The following TLE4 variants were observed in gnomAD, a reference collection of about 807,000 sequenced individuals.
TLE4 encodes the protein TLE family member 4, transcriptional corepressor.
A neutral mutation model predicts 92.8 loss-of-function variants in TLE4; 8 were observed. The ratio of observed to expected loss-of-function variants is 0.09; its 90% CI spans 0.05 to 0.16. TLE4 has a LOEUF of 0.16. Ranked by LOEUF, TLE4 falls within the 10% of genes least tolerant of loss-of-function variation. TLE4 has a pLI of 1.00. For missense variants in TLE4, 675 were observed against 997.6 expected (o/e 0.68, Z 4.36); for synonymous variants, 371 against 374.1 (o/e 0.99, Z 0.10).
intron 11 of TLE4, among the ~76,000 whole-genome samples, chr9:79,707,438 A>C (rs1287772571): frequency 6.6e-6 from 1 of 152,220 alleles, no homozygotes; most frequent in Non-Finnish European, 1.5e-5. Flanking sequence ...TGTGTAGTTA[A>C]TTGCAACTTT....
chr9:79,695,195 G>A (rs2067965421), intron 8 of TLE4, among the ~76,000 whole-genome samples: 1 of 152,128 alleles, frequency 6.6e-6, no homozygotes, highest in Admixed American at 6.5e-5. Context: ...GGAGGGGCCT[G>A]CATCCTTGAT....
intron 4 of TLE4, among the ~76,000 whole-genome samples, chr9:79,588,720 C>T (rs1273173668): frequency 1.3e-5 from 2 of 152,146 alleles, no homozygotes; most frequent in Non-Finnish European, 2.9e-5. Context: ...AACCACGTGT[C>T]ACATGGGAAT....
intron 5 of TLE4, among the ~76,000 whole-genome samples, chr9:79,625,022 T>TC (rs1314614391): frequency 2.3e-5 from 3 of 129,046 alleles, no homozygotes; most frequent in East Asian, 2.2e-4. Flanking sequence ...TTCTTTTTTT[T>TC]TTTTTTTTTT....
intron 4 of TLE4, among the ~76,000 whole-genome samples, chr9:79,605,900 A>T (rs2046731383): frequency 6.6e-6 from 1 of 152,100 alleles, no homozygotes; most frequent in Non-Finnish European, 1.5e-5. Context: ...CATTAGTAGA[A>T]TCATTGCTTT....
rs376183445 is a variant in TLE4 at position 79,652,692 on chromosome 9, G to A, written c.490G>A (p.Gly164Ser). 1.2e-5 allele frequency: 20 copies of A among 1,614,040 alleles called. No individual in the cohort carries two copies. Among genetic ancestry groups the A allele is most frequent in the African/African-American group, 4.0e-5 (3 of 74,912 alleles). ...GLQPPAIPPI[G>S]SSAGLLALSS... The stretch of plus-strand genomic sequence containing the variant: ...CCAGCCCCCTGCCATTCCACCCATC[G>A]GTAGCAGTGCCGGGCTTCTGGCCCT... The change falls in exon 7 of 20, where the codon GGT becomes AGT. Residue 164 changes from glycine to serine, a missense_variant. Gly to Ser is a moderately conservative substitution (Grantham distance 56). Transcript: ENST00000376552.
intron 8 of TLE4, among the ~76,000 whole-genome samples, chr9:79,679,757 A>G (rs1324184204): frequency 6.6e-6 from 1 of 152,182 alleles, no homozygotes; most frequent in Admixed American, 6.5e-5. Flanking sequence ...TAGGTCTAAC[A>G]TGTAAGTCTT....
chr9:79,644,442 C>G (rs780642746), intron 6 of TLE4, among the ~76,000 whole-genome samples: 1 of 152,136 alleles, frequency 6.6e-6, no homozygotes, highest in Non-Finnish European at 1.5e-5. Context: ...ACAATTCTTC[C>G]AGCAACCTTG....
chr9:79,688,737 T>G (rs1467636365), intron 8 of TLE4, among the ~76,000 whole-genome samples: 1 of 151,870 alleles, frequency 6.6e-6, no homozygotes, highest in Non-Finnish European at 1.5e-5. Context: ...AATCACAACT[T>G]AAAAAGAAGT....
intron 6 of TLE4, among the ~76,000 whole-genome samples, chr9:79,634,221 G>T (rs753231456): frequency 7.2e-5 from 11 of 152,144 alleles, no homozygotes; most frequent in Non-Finnish European, 1.5e-4. Flanking sequence ...TGATCCTCAA[G>T]TTACATTTAA....
intron 8 of TLE4, among the ~76,000 whole-genome samples, chr9:79,662,639 C>CAAA (rs1228189428): frequency 1.3e-5 from 2 of 152,152 alleles, no homozygotes; most frequent in Non-Finnish European, 2.9e-5. Context: ...AAGCAGATGT[C>CAAA]TGATTTGAGA....
chr9:79,679,992 C>CTGG (rs2064149322), intron 8 of TLE4, among the ~76,000 whole-genome samples: 1 of 151,638 alleles, frequency 6.6e-6, no homozygotes, highest in East Asian at 1.9e-4. Flanking sequence ...GTTTTGGTAC[C>CTGG]AGTACCATGC....
chr9:79,723,173 G>C, intron 19 of TLE4, 138 bp downstream of exon 19: 1 of 795,340 alleles, frequency 1.3e-6, no homozygotes, highest in Non-Finnish European at 2.0e-6. Context: ...AGGAAACTGT[G>C]TCCAAGGAGA....
intron 4 of TLE4, among the ~76,000 whole-genome samples, chr9:79,595,093 AC>A (rs555615260): frequency 5.8e-4 from 89 of 152,288 alleles, no homozygotes; most frequent in African/African-American, 2.1e-3. Flanking sequence ...CTAAGCCTTC[AC>A]CCACCCTTAA....
At chr9:79,619,305 C>T (rs1032928062) in intron 5 of TLE4, among the ~76,000 whole-genome samples, 1 of 152,108 alleles carries the variant, frequency 6.6e-6, no homozygotes, top group African/African-American at 2.4e-5. Flanking sequence ...ATGAGTATAT[C>T]TCAGATGCTG....
chr9:79,659,539 G>C (rs2060238096), intron 8 of TLE4, among the ~76,000 whole-genome samples: 1 of 151,874 alleles, frequency 6.6e-6, no homozygotes, highest in Admixed American at 6.6e-5. Flanking sequence ...ATTCGAATAG[G>C]ATTCATTTTA....
chr9:79,583,648 A>ATTG (rs1482151162), intron 4 of TLE4, among the ~76,000 whole-genome samples: 1 of 151,900 alleles, frequency 6.6e-6, no homozygotes, highest in East Asian at 1.9e-4. Context: ...TATTATTATT[A>ATTG]TTGTAATTTG....
At chr9:79,592,275 CTTT>C (rs1170642342) in intron 4 of TLE4, among the ~76,000 whole-genome samples, 1 of 106,930 alleles carries the variant, frequency 9.4e-6, no homozygotes. Context: ...TCTTCTTCTT[CTTT>C]TTTTTTTTTT....
chr9:79,681,368 G>A (rs1294153652), intron 8 of TLE4, among the ~76,000 whole-genome samples: 1 of 151,806 alleles, frequency 6.6e-6, no homozygotes, highest in Non-Finnish European at 1.5e-5. Context: ...AATAAAAATA[G>A]CTGTTATATA....
chr9:79,684,701 G>A (rs1284335974), intron 8 of TLE4, among the ~76,000 whole-genome samples: 1 of 152,092 alleles, frequency 6.6e-6, no homozygotes, highest in African/African-American at 2.4e-5. Flanking sequence ...AACTGACCAG[G>A]CTCTCCCTCA....
Sources: allele counts gnomAD v4.1 joint callset (sites outside exome capture counted in the v4.1 genomes callset), GRCh38; gene constraint gnomAD v4.1.1; transcripts MANE v1.5; gene names NCBI Gene and HGNC (gene_info 2026-07-23, HGNC 2026-07-21).